SPAG16: variants seen among roughly 807,000 people sequenced by gnomAD.
The protein encoded by SPAG16 is sperm-associated antigen 16 protein.
SPAG16 carries 86 observed loss-of-function variants against 80.4 expected under a neutral mutation model. The observed-to-expected ratio is 1.07, with a 90% CI of 0.90 to 1.28. The LOEUF (loss-of-function observed/expected upper bound fraction) is 1.28. Among genes scored for constraint, SPAG16 ranks in the 50% most tolerant of loss-of-function variants. SPAG16 has a pLI of 0.00. For missense variants in SPAG16, 870 were observed against 765.3 expected (o/e 1.14, Z -1.61); for synonymous variants, 294 against 265.9 (o/e 1.11, Z -1.03).
At chr2:214,370,963 G>A (rs1162531246) in intron 15 of SPAG16, among the ~76,000 whole-genome samples, 4 of 152,080 alleles carry the variant, frequency 2.6e-5, no homozygotes, top group Non-Finnish European at 4.4e-5. Flanking sequence ...AGGTCTACTC[G>A]TAGCTGAATG....
At chr2:214,243,055 C>A (rs998409489) in intron 15 of SPAG16, among the ~76,000 whole-genome samples, 1 of 151,990 alleles carries the variant, frequency 6.6e-6, no homozygotes, top group Non-Finnish European at 1.5e-5. Flanking sequence ...TGTATAAGAG[C>A]CTGAGGCATC....
chr2:213,859,833 A>G (rs550412042), intron 10 of SPAG16, among the ~76,000 whole-genome samples: 1 of 152,334 alleles, frequency 6.6e-6, no homozygotes, highest in African/African-American at 2.4e-5. Flanking sequence ...TTGAATAGCT[A>G]CTATGTGCCA....
At chr2:214,161,100 G>A (rs1263686618) in intron 15 of SPAG16, among the ~76,000 whole-genome samples, 1 of 152,052 alleles carries the variant, frequency 6.6e-6, no homozygotes, top group Non-Finnish European at 1.5e-5. Context: ...ATGGCTTCCA[G>A]CTCCATCCAT....
At chr2:213,558,866 C>A (rs1217906558) in intron 10 of SPAG16, among the ~76,000 whole-genome samples, 1 of 152,098 alleles carries the variant, frequency 6.6e-6, no homozygotes, top group Non-Finnish European at 1.5e-5. Flanking sequence ...TTGCTCTTCT[C>A]TCCTCTCTCA....
At chr2:213,339,441 T>C (rs558213157) in intron 5 of SPAG16, among the ~76,000 whole-genome samples, 1 of 152,334 alleles carries the variant, frequency 6.6e-6, no homozygotes, top group South Asian at 2.1e-4. Flanking sequence ...CATTATTGTA[T>C]TGAAACTAAT....
At chr2:214,201,135 C>G (rs187635852) in intron 15 of SPAG16, among the ~76,000 whole-genome samples, 30 of 152,152 alleles carry the variant, frequency 2.0e-4, no homozygotes, top group African/African-American at 7.0e-4. Flanking sequence ...GTCTCTTTTT[C>G]TAAAGACGGA....
At chr2:213,777,654 G>T (rs903813287) in intron 10 of SPAG16, among the ~76,000 whole-genome samples, 4 of 151,994 alleles carry the variant, frequency 2.6e-5, no homozygotes, top group Admixed American at 1.3e-4. Flanking sequence ...TGATCCGCCC[G>T]CCTCGGCCTC....
chr2:214,230,111 A>G (rs768978469), intron 15 of SPAG16, among the ~76,000 whole-genome samples: 6 of 151,982 alleles, frequency 3.9e-5, no homozygotes, highest in Non-Finnish European at 8.8e-5. Context: ...TAAAAATTTA[A>G]TATTCAGCCT....
intron 5 of SPAG16, among the ~76,000 whole-genome samples, chr2:213,337,798 A>G (rs911857736): frequency 6.6e-6 from 1 of 150,954 alleles, no homozygotes; most frequent in South Asian, 2.1e-4. Flanking sequence ...TGGAAAACAC[A>G]CTTCAGGATA....
At chr2:214,239,809 G>T (rs1166834093) in intron 15 of SPAG16, 1 of 152,024 alleles carries the variant, frequency 6.6e-6, no homozygotes, top group Non-Finnish European at 1.5e-5. Context: ...TAATGGATCT[G>T]GTTGTTATTA....
chr2:214,158,767 G>A (rs2125595660), intron 15 of SPAG16, among the ~76,000 whole-genome samples: 1 of 151,990 alleles, frequency 6.6e-6, no homozygotes, highest in African/African-American at 2.4e-5. Flanking sequence ...AACGCTATAG[G>A]TATAGACAAT....
intron 9 of SPAG16, among the ~76,000 whole-genome samples, chr2:213,419,027 GA>G (rs1411623201): frequency 9.6e-6 from 1 of 104,382 alleles, no homozygotes; most frequent in African/African-American, 2.8e-5. Context: ...TATGCTACAG[GA>G]GTAGTATGGT....
intron 11 of SPAG16, among the ~76,000 whole-genome samples, chr2:213,915,328 G>T (rs190566820): frequency 6.7e-6 from 1 of 150,372 alleles, no homozygotes; most frequent in South Asian, 2.1e-4. Context: ...CCCTCCCTGC[G>T]TCCATGTGTT....
chr2:214,370,212 C>A (rs1699723566), intron 15 of SPAG16, among the ~76,000 whole-genome samples: 1 of 152,078 alleles, frequency 6.6e-6, no homozygotes, highest in Non-Finnish European at 1.5e-5. Flanking sequence ...CAAATCTCTC[C>A]ATATTAAACT....
intron 10 of SPAG16, among the ~76,000 whole-genome samples, chr2:213,715,656 T>C (rs1293398415): frequency 6.6e-6 from 1 of 152,212 alleles, no homozygotes; most frequent in African/African-American, 2.4e-5. Context: ...TAGATCTCAA[T>C]TAATGCTAGC....
intron 10 of SPAG16, among the ~76,000 whole-genome samples, chr2:213,557,828 A>G (rs2059477124): frequency 6.6e-6 from 1 of 152,184 alleles, no homozygotes. Flanking sequence ...ATCCTATCAA[A>G]TTAATTTTCT....
chr2:214,060,221 C>A (rs1343458589), intron 13 of SPAG16, among the ~76,000 whole-genome samples: 2 of 152,134 alleles, frequency 1.3e-5, no homozygotes, highest in Non-Finnish European at 2.9e-5. Flanking sequence ...CCGGCTCTAC[C>A]CAGATGCCTC....
intron 13 of SPAG16, among the ~76,000 whole-genome samples, chr2:214,035,004 A>G (rs1207586234): frequency 6.6e-6 from 1 of 152,196 alleles, no homozygotes; most frequent in Non-Finnish European, 1.5e-5. Flanking sequence ...GATGGTGAGC[A>G]AGGTGAAAAG....
intron 7 of SPAG16, among the ~76,000 whole-genome samples, chr2:213,360,472 C>G (rs1368789134): frequency 6.6e-6 from 1 of 152,202 alleles, no homozygotes; most frequent in Non-Finnish European, 1.5e-5. Flanking sequence ...CTCAATTAAC[C>G]TACTCTCCAA....
Sources: gnomAD v4.1 joint callset for allele counts (sites outside exome capture counted in the v4.1 genomes callset) on GRCh38, gnomAD v4.1.1 for gene constraint, MANE v1.5 for transcripts, NCBI Gene and HGNC (gene_info 2026-07-23, HGNC 2026-07-21) for gene names.